RIMS2: variants seen among roughly 807,000 people sequenced by gnomAD.
RIMS2 encodes regulating synaptic membrane exocytosis 2.
RIMS2 carries 59 observed loss-of-function variants against 174.4 expected under a neutral mutation model. That is an observed-to-expected ratio of 0.34 (90% CI 0.27 to 0.42). The LOEUF is 0.42. Among genes scored for constraint, RIMS2 ranks in the 10% least tolerant of loss-of-function variants. The pLI is 1.00. For synonymous variants in RIMS2, 606 were observed against 572.5 expected (o/e 1.06, Z -0.84); for missense variants, 1,620 against 1,666.3 (o/e 0.97, Z 0.48).
At chr8:103,663,011 A>G (rs143668973) in intron 1 of RIMS2, among the ~76,000 whole-genome samples, 5 of 152,092 alleles carry the variant, frequency 3.3e-5, no homozygotes, top group African/African-American at 1.2e-4. Flanking sequence ...TCTACTAAAA[A>G]TACAAAAAAT....
At chr8:103,912,001 T>A in intron 5 of RIMS2, 52 bp from the exon 9 acceptor site, 6 of 1,368,252 alleles carry the variant, frequency 4.4e-6, no homozygotes, top group Non-Finnish European at 6.0e-6. Flanking sequence ...ATAAATAAAA[T>A]CATTTATTTA....
chr8:104,064,830 C>G (rs1470433633), intron 19 of RIMS2, among the ~76,000 whole-genome samples: 1 of 151,912 alleles, frequency 6.6e-6, no homozygotes, highest in East Asian at 1.9e-4. Context: ...GTCCCATTAC[C>G]ATCTCAATCA....
intron 19 of RIMS2, among the ~76,000 whole-genome samples, chr8:104,184,272 CA>C (rs1333349493): frequency 6.6e-6 from 1 of 151,618 alleles, no homozygotes; most frequent in Admixed American, 6.6e-5. Context: ...ATCATATCCA[CA>C]CTCTACTTAG....
At chr8:103,852,887 G>A (rs2154493698) in intron 3 of RIMS2, among the ~76,000 whole-genome samples, 1 of 152,084 alleles carries the variant, frequency 6.6e-6, no homozygotes, top group South Asian at 2.1e-4. Flanking sequence ...TGTCTTTTGG[G>A]TATAATGATC....
intron 16 of RIMS2, among the ~76,000 whole-genome samples, chr8:103,985,801 A>G (rs910405849): frequency 3.9e-5 from 6 of 152,232 alleles, no homozygotes; most frequent in African/African-American, 1.4e-4. Context: ...AAAGAAGAAA[A>G]TTCTATCATT....
At chr8:103,977,543 T>G (rs1367564433) in intron 16 of RIMS2, 1 of 152,204 alleles carries the variant, frequency 6.6e-6, no homozygotes, top group Non-Finnish European at 1.5e-5. Flanking sequence ...GTGGGGATTT[T>G]TTCCCACACC....
intron 2 of RIMS2, among the ~76,000 whole-genome samples, chr8:103,752,157 C>G (rs2097901505): frequency 6.6e-6 from 1 of 152,128 alleles, no homozygotes; most frequent in Admixed American, 6.5e-5. Context: ...CCAGTTTCAG[C>G]TTTTTACATA....
At chr8:103,576,912 A>T (rs956682521) in intron 1 of RIMS2, among the ~76,000 whole-genome samples, 27 of 152,200 alleles carry the variant, frequency 1.8e-4, no homozygotes, top group African/African-American at 6.5e-4. Context: ...TACACCTTAT[A>T]CAAAAATTAA....
In RIMS2 at chr8:103,505,015, C is replaced by T. The variant is rs187879894; in HGVS notation, c.176+3953C>T. On this transcript the variant is annotated intron_variant, in intron 1 of 23. Transcript: ENST00000504942. Reference sequence around the variant, plus strand: ...CACAGGCAGGTGTCATGACACTCGACTAATTTATTTTTTATTCTTGTAGAG... The same window carrying T: ...CACAGGCAGGTGTCATGACACTCGATTAATTTATTTTTTATTCTTGTAGAG... Among the ~76,000 whole-genome samples, 922 of 151,708 alleles carry T rather than the reference C, an allele frequency of 6.1e-3. 11 individuals are homozygous for T. Among genetic ancestry groups the T allele is most frequent in the African/African-American group, 0.021 (872 of 41,318 alleles).
At chr8:103,526,519 T>C (rs757948282) in intron 1 of RIMS2, among the ~76,000 whole-genome samples, 3 of 152,194 alleles carry the variant, frequency 2.0e-5, no homozygotes, top group Non-Finnish European at 4.4e-5. Flanking sequence ...ATTCAAATAA[T>C]GGAGTTCTGT....
chr8:104,075,097 G>C lies in RIMS2; in HGVS notation c.3334+60482G>C, dbSNP rs546819181. ...AGGGAGAAAAATTGAGCTGCTGTTAGTATGTAACTCAGCCCAGTAACATGA... is the reference window on the plus strand; with the variant it reads ...AGGGAGAAAAATTGAGCTGCTGTTACTATGTAACTCAGCCCAGTAACATGA... On this transcript the variant is annotated intron_variant, in intron 19 of 23. Coordinates refer to ENST00000504942, the Ensembl canonical transcript of RIMS2. Among the ~76,000 whole-genome samples the C allele has an allele frequency of 2.0e-5, 3 of 151,434 alleles. No homozygotes were observed. In the South Asian group the frequency reaches 6.2e-4, roughly 31 times the overall value.
intron 19 of RIMS2, among the ~76,000 whole-genome samples, chr8:104,208,147 A>G (rs2099089104): frequency 6.6e-6 from 1 of 152,166 alleles, no homozygotes; most frequent in South Asian, 2.1e-4. Context: ...TGCTGTTATG[A>G]AATATTCCTG....
At chr8:104,153,893 G>C (rs1368347622) in intron 19 of RIMS2, among the ~76,000 whole-genome samples, 1 of 152,190 alleles carries the variant, frequency 6.6e-6, no homozygotes. Flanking sequence ...GGTCAAGTAA[G>C]ATGAAGACTG....
intron 19 of RIMS2, among the ~76,000 whole-genome samples, chr8:104,200,499 A>G (rs1192383664): frequency 6.6e-6 from 1 of 152,238 alleles, no homozygotes; most frequent in Non-Finnish European, 1.5e-5. Context: ...AACACAAAGT[A>G]GTAAGGTCTA....
intron 16 of RIMS2, among the ~76,000 whole-genome samples, chr8:103,986,332 G>GA (rs1565689986): frequency 6.6e-6 from 1 of 151,952 alleles, no homozygotes; most frequent in Non-Finnish European, 1.5e-5. Context: ...AAAGATTAGG[G>GA]AAAAATCAGT....
chr8:103,637,812 G>A (rs1350339246), intron 1 of RIMS2, among the ~76,000 whole-genome samples: 1 of 147,150 alleles, frequency 6.8e-6, no homozygotes, highest in Non-Finnish European at 1.5e-5. Context: ...TTCAATCTAG[G>A]ATAAGTGCAT....
Position 104,155,761 on chromosome 8 carries a change from G to T in RIMS2, c.3335-89155G>T, listed in dbSNP as rs2098720137. ...CTAACAATGAGAAAATAGGAAAGTGGCTTAAAAAGATTCTTGCGATGAAAC... is the reference window on the plus strand; with the variant it reads ...CTAACAATGAGAAAATAGGAAAGTGTCTTAAAAAGATTCTTGCGATGAAAC... On this transcript the variant is annotated intron_variant, in intron 19 of 23. Transcript: ENST00000504942. Among the ~76,000 whole-genome samples, 3 of 152,090 alleles carry T rather than the reference G, an allele frequency of 2.0e-5. No individual in the cohort carries two copies. In the South Asian group the frequency reaches 6.2e-4, roughly 32 times the overall value.
chr8:103,721,033 C>T lies in RIMS2; in HGVS notation c.387+23737C>T, dbSNP rs562992379. On this transcript the variant is annotated intron_variant, in intron 2 of 23. Transcript: ENST00000504942. The stretch of plus-strand genomic sequence containing the variant: ...GGGGCCTGGTGAGAGGTGATTGGAT[C>T]ATGGGGGTGGATCCTTCATGAATGG... Among the ~76,000 whole-genome samples the T allele has an allele frequency of 2.6e-5, 4 of 152,226 alleles. No individual in the cohort carries two copies. In the South Asian group the frequency reaches 6.2e-4, roughly 24 times the overall value.
intron 2 of RIMS2, among the ~76,000 whole-genome samples, chr8:103,733,995 T>C (rs924130620): frequency 2.7e-5 from 4 of 150,076 alleles, no homozygotes; most frequent in Non-Finnish European, 4.4e-5. Context: ...CCATCTTGCT[T>C]TACCTCTCCT....
Sources: allele counts gnomAD v4.1 joint callset (sites outside exome capture counted in the v4.1 genomes callset), GRCh38; gene constraint gnomAD v4.1.1; transcripts MANE v1.5; gene names NCBI Gene and HGNC (gene_info 2026-07-23, HGNC 2026-07-21).